ST7: variants seen among roughly 807,000 people sequenced by gnomAD.
ST7 encodes the protein suppression of tumorigenicity 7, also known as suppressor of tumorigenicity 7 protein.
Under a neutral mutation model 78.7 loss-of-function variants are expected in ST7, and 28 were observed. The observed-to-expected ratio is 0.36, with a 90% CI of 0.26 to 0.49. The LOEUF is 0.49. Ranked by LOEUF, ST7 falls within the 20% of genes least tolerant of loss-of-function variation. The pLI is 0.99. For missense variants in ST7, 418 were observed against 696.0 expected, an observed-to-expected ratio of 0.60 and a Z score of 4.49; for synonymous variants, 247 against 249.6, an observed-to-expected ratio of 0.99 and a Z score of 0.10.
At chr7:117,158,383 G>A (rs1328518252) in intron 9 of ST7, among the ~76,000 whole-genome samples, 2 of 152,174 alleles carry the variant, frequency 1.3e-5, no homozygotes, top group Non-Finnish European at 2.9e-5. Context: ...TCACAGTTTT[G>A]ACAGGAAAAG....
intron 1 of ST7, among the ~76,000 whole-genome samples, chr7:117,094,893 T>G (rs936269640): frequency 1.3e-5 from 2 of 152,218 alleles, no homozygotes; most frequent in Non-Finnish European, 2.9e-5. Context: ...TTTGAATTAT[T>G]GCTGATTATT....
rs1204874881 is a variant in ST7, at chr7:116,982,903, A to AT, written c.151+29218dup. Reference sequence around the variant, plus strand: ...TATGCACTTTTACATGTATATATATATTTTTTGTTTTTGAGATGGAGTTTC... The same window carrying AT: ...TATGCACTTTTACATGTATATATATATTTTTTTGTTTTTGAGATGGAGTTTC... On this transcript the variant is annotated intron_variant, in intron 1 of 15. Coordinates refer to ENST00000323984, the MANE Select transcript of ST7 (RefSeq NM_001369598.1). 6.6e-3 allele frequency among the ~76,000 whole-genome samples: 1,004 copies of AT among 152,200 alleles called. 10 individuals are homozygous for AT. The highest frequency in any genetic ancestry group is 0.023 in the African/African-American group (960 of 41,510).
chr7:117,020,642 A>G lies in ST7; in HGVS notation c.151+66951A>G, dbSNP rs1173345265. On this transcript the variant is annotated intron_variant, in intron 1 of 15. Transcript: ENST00000323984. ...ACTGAATCTTCATGTAAGTAAATGG[A>G]TCCCACTTCTCTGCTATTTAGAAAT... is the stretch of plus-strand genomic sequence containing the variant. 4 of 1,550,790 alleles carry G rather than the reference A, an allele frequency of 2.6e-6. 1 individual carries two copies. The highest frequency in any genetic ancestry group is 2.4e-5 in the East Asian group (1 of 40,914).
At chr7:117,170,637 C>T (rs1222732107) in intron 9 of ST7, among the ~76,000 whole-genome samples, 1 of 152,040 alleles carries the variant, frequency 6.6e-6, no homozygotes, top group Non-Finnish European at 1.5e-5. Flanking sequence ...GCTGAGATCG[C>T]ACCACTGCAC....
intron 1 of ST7, among the ~76,000 whole-genome samples, chr7:117,029,578 A>T (rs528048351): frequency 6.6e-6 from 1 of 151,994 alleles, no homozygotes; most frequent in Non-Finnish European, 1.5e-5. Context: ...TTTAATTTTG[A>T]TGAAGTCCAG....
intron 1 of ST7, among the ~76,000 whole-genome samples, chr7:116,961,655 GGTGTATAGGAATGTTA>G (rs1792835640): frequency 6.6e-6 from 1 of 150,972 alleles, no homozygotes; most frequent in South Asian, 2.1e-4. Flanking sequence ...GACTGTTGTT[GGTGTATAGGAATGTTA>G]GTGATTTTTG....
At chr7:117,156,921 A>G (rs1399349904) in intron 9 of ST7, among the ~76,000 whole-genome samples, 3 of 152,182 alleles carry the variant, frequency 2.0e-5, no homozygotes, top group Non-Finnish European at 2.9e-5. Flanking sequence ...TTAAAGGAAC[A>G]TATCTAGATA....
At chr7:117,098,715 T>C in intron 1 of ST7, 1 of 1,215,784 alleles carries the variant, frequency 8.2e-7, no homozygotes, top group Non-Finnish European at 1.1e-6. Context: ...AGCCTTTCCC[T>C]CTAATGACAT....
In ST7 at chr7:117,136,137, C is replaced by G. The variant is rs1407692850; in HGVS notation, c.767C>G (p.Ala256Gly). 6.2e-7 allele frequency: 1 copy of G among 1,613,470 alleles called. No individual in the cohort carries two copies. The highest frequency in any genetic ancestry group is 1.3e-5 in the African/African-American group (1 of 74,858). The change falls in exon 8 of 16, where the codon GCA (alanine) becomes GGA (glycine). Residue 256 changes from alanine to glycine, a missense_variant. Physicochemically the swap from Ala to Gly is moderately conservative, Grantham distance 60 (BLOSUM62 0). This residue lies in a region of ST7 where 288 missense variants were observed against 537.1 expected (regional missense o/e 0.54). Coordinates refer to ENST00000323984, the MANE Select transcript of ST7 (RefSeq NM_001369598.1). ...GAGGAAGCAACAACCATTGCTGAAG[C>G]AGAAAAATTATTTAAGCAGGCCCTG... The part of the protein sequence containing the change: ...AEEEATTIAE[A>G]EKLFKQALKA...
chr7:117,190,676 G>A lies in ST7; in HGVS notation c.1152-158G>A, dbSNP rs551922609. The stretch of plus-strand genomic sequence containing the variant: ...TTCTGCTGGGGTTTTTGCTGGCCTC[G>A]GTCCGTGGGGTCACTCAGAGGTTCC... On this transcript the variant is annotated intron_variant, in intron 11 of 15. Coordinates refer to ENST00000323984, the MANE Select transcript of ST7 (RefSeq NM_001369598.1). This position sits in a 1 kb window ranked among gnomAD's most constrained non-coding sequence, Gnocchi z 5.2. Among the ~76,000 whole-genome samples the A allele has an allele frequency of 4.6e-5, 7 of 152,124 alleles. No homozygotes were observed. Among genetic ancestry groups the A allele is most frequent in the African/African-American group, 9.7e-5 (4 of 41,432 alleles).
intron 1 of ST7, among the ~76,000 whole-genome samples, chr7:116,962,964 C>A (rs1450394805): frequency 6.6e-6 from 1 of 152,156 alleles, no homozygotes; most frequent in East Asian, 1.9e-4. Context: ...AGAATGCAAT[C>A]TTCATATGAG....
chr7:117,002,667 T>G (rs200325503), intron 1 of ST7, among the ~76,000 whole-genome samples: 3 of 69,996 alleles, frequency 4.3e-5, no homozygotes, highest in East Asian at 4.8e-4. Context: ...GTGTGTGTGT[T>G]TGTATGTATG....
At chr7:117,094,250 G>A (rs1563076095) in intron 1 of ST7, among the ~76,000 whole-genome samples, 1 of 151,910 alleles carries the variant, frequency 6.6e-6, no homozygotes, top group Non-Finnish European at 1.5e-5. Context: ...TCCTTCCCTG[G>A]GCATTCACCC....
At chr7:117,138,599 A>C in intron 9 of ST7, 67 bp downstream of exon 9, 8 of 1,116,094 alleles carry the variant, frequency 7.2e-6, no homozygotes, top group Non-Finnish European at 9.3e-6. Context: ...TGGCCATAGC[A>C]GTCTGTACCA....
intron 9 of ST7, among the ~76,000 whole-genome samples, chr7:117,144,533 T>A (rs1805588208): frequency 6.6e-6 from 1 of 150,430 alleles, no homozygotes. Flanking sequence ...CCCAGGAGGC[T>A]GAGGTGGGAG....
intron 15 of ST7, chr7:117,223,428 A>C: frequency 5.6e-6 from 1 of 178,594 alleles, no homozygotes; most frequent in Non-Finnish European, 1.2e-5. Context: ...GTTGTTCAGC[A>C]TGGCATCCAA....
rs566991980 is a variant in ST7, at chr7:117,014,550, G to A, written c.151+60859G>A. Among the ~76,000 whole-genome samples, 12 of 152,300 alleles carry A rather than the reference G, an allele frequency of 7.9e-5. No homozygotes were observed. In the South Asian group the frequency reaches 2.1e-3, roughly 26 times the overall value. On this transcript the variant is annotated intron_variant, in intron 1 of 15. Coordinates refer to ENST00000323984, the MANE Select transcript of ST7 (RefSeq NM_001369598.1). ...TATGCATATGTACTATCAAATGAAT[G>A]AATGTAATGACAAAATTGAGACAAA...
chr7:117,221,734 T>TG (rs1793106608), intron 14 of ST7, among the ~76,000 whole-genome samples, 189 bp from the exon 15 acceptor site: 1 of 152,134 alleles, frequency 6.6e-6, no homozygotes, highest in African/African-American at 2.4e-5. Context: ...GATGGAGACT[T>TG]GCGACCAGCA....
chr7:117,014,130 G>A (rs1195865198), intron 1 of ST7, among the ~76,000 whole-genome samples: 5 of 152,052 alleles, frequency 3.3e-5, no homozygotes, highest in African/African-American at 1.2e-4. Flanking sequence ...TGGAGGGTGG[G>A]GGTTGGAAAT....
Sources: gnomAD v4.1 joint callset for allele counts (sites outside exome capture counted in the v4.1 genomes callset) on GRCh38, gnomAD v4.1.1 for gene constraint, gnomAD v4.1.1 regional missense constraint, Gnocchi (gnomAD v3.1) non-coding constraint, MANE v1.5 for transcripts, NCBI Gene and HGNC (gene_info 2026-07-23, HGNC 2026-07-21) for gene names.